Variants in DPP8 observed in about 807,000 individuals in gnomAD.
The protein encoded by DPP8 is dipeptidyl peptidase 8, also known as DPP VIII.
In DPP8, 31 loss-of-function variants were observed where a neutral mutation model predicts 107.5. That is an observed-to-expected ratio of 0.29 (90% CI 0.22 to 0.39). DPP8 has a LOEUF of 0.39. DPP8 is among the 10% of genes least tolerant of loss of function. The probability of loss-of-function intolerance (pLI) is 1.00; values close to 1 mark genes in which losing one functional copy is unlikely to be tolerated. For missense variants in DPP8, 842 were observed against 1,076.1 expected (o/e 0.78, Z 3.04); for synonymous variants, 381 against 356.6 (o/e 1.07, Z -0.77).
chr15:65,498,881 T>C (rs2068869032), intron 4 of DPP8, among the ~76,000 whole-genome samples: 1 of 151,864 alleles, frequency 6.6e-6, no homozygotes, highest in Non-Finnish European at 1.5e-5. Flanking sequence ...AGTGGGACCC[T>C]CACCTCTAAA....
At chr15:65,478,687 G>GTGTCAATCC (rs2066626222) in intron 11 of DPP8, among the ~76,000 whole-genome samples, 193 bp downstream of exon 11, 2 of 152,032 alleles carry the variant, frequency 1.3e-5, no homozygotes, top group Admixed American at 1.3e-4. Flanking sequence ...TTTATAATAC[G>GTGTCAATCC]TGTCAATCCA....
chr15:65,515,981 C>G (rs1413303995), intron 1 of DPP8: 1 of 478,000 alleles, frequency 2.1e-6, no homozygotes, highest in African/African-American at 2.0e-5. Flanking sequence ...TATTTTATTT[C>G]AGAGATGTGT....
chr15:65,465,123 T>G (rs1249239363), intron 14 of DPP8, among the ~76,000 whole-genome samples: 1 of 151,970 alleles, frequency 6.6e-6, no homozygotes, highest in Non-Finnish European at 1.5e-5. Flanking sequence ...TTGTGGACAT[T>G]AAAACACACT....
chr15:65,454,437 T>C, intron 16 of DPP8, 22 bp from the exon 17 acceptor site: 1 of 1,576,084 alleles, frequency 6.3e-7, no homozygotes, highest in Non-Finnish European at 8.6e-7. Flanking sequence ...GGGAGAACAT[T>C]TCACTGATTC....
At chr15:65,474,396 G>A in intron 11 of DPP8, 108 bp from the exon 12 acceptor site, 1 of 783,350 alleles carries the variant, frequency 1.3e-6, no homozygotes, top group East Asian at 2.7e-5. Context: ...TATGTTTGGG[G>A]TAATAAAAAT....
At chr15:65,493,090 CTCTT>C (rs956533477) in intron 5 of DPP8, among the ~76,000 whole-genome samples, 3 of 151,740 alleles carry the variant, frequency 2.0e-5, no homozygotes, top group African/African-American at 7.3e-5. Flanking sequence ...CTTTCTTTCT[CTCTT>C]TTTTTTTAGA....
At chr15:65,467,622 C>T (rs982905559) in intron 12 of DPP8, among the ~76,000 whole-genome samples, 2 of 152,156 alleles carry the variant, frequency 1.3e-5, no homozygotes. Flanking sequence ...AAGCAATCCT[C>T]CTGCCTCAGC....
At chr15:65,461,117 TTTAAAC>T (rs1403190308) in intron 15 of DPP8, among the ~76,000 whole-genome samples, 1 of 152,188 alleles carries the variant, frequency 6.6e-6, no homozygotes, top group African/African-American at 2.4e-5. Flanking sequence ...GCTAAGCCTC[TTTAAAC>T]TTAATTACTC....
chr15:65,480,464 T>A (rs2066819546), intron 9 of DPP8, 65 bp from the exon 10 acceptor site: 1 of 1,242,596 alleles, frequency 8.0e-7, no homozygotes, highest in East Asian at 2.4e-5. Flanking sequence ...GATTTCCCTA[T>A]TATCTCCTTT....
Position 65,443,167 on chromosome 15 carries a change from T to C in DPP8, c.*3717A>G, listed in dbSNP as rs1211122606. The C allele has an allele frequency of 6.6e-6, 1 of 152,226 alleles. No individual in the cohort carries two copies. The highest frequency in any genetic ancestry group is 1.9e-4 in the East Asian group (1 of 5,202). The allele number at this position is 152,226 out of a possible 1,614,324, so 9.4% of individuals were successfully genotyped here. A position where few individuals can be genotyped will look rare whatever the true frequency, so the allele number is the denominator to read the frequency against. On this transcript the variant is annotated 3_prime_UTR_variant, in exon 20 of 20. Transcript: ENST00000300141. ...ATGTGGTTACCTTTAAAATGTTTTA[T>C]AGGAATATATTAATAAATATTTCTT...
intron 12 of DPP8, among the ~76,000 whole-genome samples, chr15:65,468,509 AT>A (rs1250612841): frequency 4.0e-5 from 6 of 149,540 alleles, no homozygotes; most frequent in Admixed American, 1.3e-4. Context: ...AAAAAAAAAA[AT>A]TCAAATTTTT....
intron 2 of DPP8, among the ~76,000 whole-genome samples, chr15:65,510,727 C>T (rs762139246): frequency 2.4e-4 from 37 of 152,190 alleles, no homozygotes; most frequent in Admixed American, 1.0e-3. Flanking sequence ...TTAGTAGAGA[C>T]GCGGTTTCAC....
chr15:65,454,328 G>T lies in DPP8; in HGVS notation c.2206C>A (p.His736Asn). Reference protein sequence around the residue: ...DFIDLDRVGIHGWSYGGYLSL... With the variant: ...DFIDLDRVGINGWSYGGYLSL... ...AGGTATCCTCCATAGGACCAGCCGT[G>T]GATGCCCACACGATCTAAGTCAATG... The change falls in exon 17 of 20, where the codon CAC becomes AAC. Residue 736 changes from histidine to asparagine, a missense_variant. His to Asn is a moderately conservative substitution (Grantham distance 68). This residue lies in a region of DPP8 where 179 missense variants were observed against 318.0 expected (regional missense o/e 0.56). Coordinates refer to ENST00000300141, the MANE Select transcript of DPP8 (RefSeq NM_130434.5). The T allele has an allele frequency of 6.2e-7, 1 of 1,603,896 alleles. No homozygotes were observed. Among genetic ancestry groups the T allele is most frequent in the Non-Finnish European group, 8.5e-7 (1 of 1,176,468 alleles).
At position 65,517,616 on chromosome 15, in the gene DPP8, A is replaced by AGGCGGCGAACGCGGCACTAAGAAGC. The variant is rs1483262163; in HGVS notation, c.-167_-143dup. 36 of 152,674 alleles carry AGGCGGCGAACGCGGCACTAAGAAGC rather than the reference A, an allele frequency of 2.4e-4. 1 individual carries two copies. The highest frequency in any genetic ancestry group is 2.4e-3 in the Admixed American group (36 of 15,290). The allele number at this position is 152,674 out of a possible 1,614,324, so 9.5% of individuals were successfully genotyped here. A position where few individuals can be genotyped will look rare whatever the true frequency, so the allele number is the denominator to read the frequency against. Reference sequence around the variant, plus strand: ...TCGGCGGCGGCGCCGGTGACAACCCAGGCGGCGAACGCGGCACTAAGAAGC... The same window carrying AGGCGGCGAACGCGGCACTAAGAAGC: ...TCGGCGGCGGCGCCGGTGACAACCCAGGCGGCGAACGCGGCACTAAGAAGCGGCGGCGAACGCGGCACTAAGAAGC... On this transcript the variant is annotated 5_prime_UTR_variant, in exon 1 of 20. Coordinates refer to ENST00000300141, the MANE Select transcript of DPP8 (RefSeq NM_130434.5).
intron 5 of DPP8, among the ~76,000 whole-genome samples, chr15:65,494,646 G>GAAAAA (rs5813355): frequency 0.022 from 2,567 of 114,242 alleles, 110 homozygotes; most frequent in African/African-American, 0.04. Flanking sequence ...CAAAAAAATT[G>GAAAAA]AAAAAAAAAA....
chr15:65,500,052 T>C (rs1485135009), intron 4 of DPP8, among the ~76,000 whole-genome samples: 1 of 152,142 alleles, frequency 6.6e-6, no homozygotes, highest in East Asian at 1.9e-4. Context: ...TGCACCACCA[T>C]GCCCAGCTAA....
intron 11 of DPP8, chr15:65,475,426 C>T (rs2066293830): frequency 6.4e-7 from 1 of 1,572,644 alleles, no homozygotes; most frequent in Admixed American, 1.7e-5. Flanking sequence ...TCAAATATAC[C>T]TTATTATGGC....
chr15:65,455,337 T>G (rs1042751059), intron 16 of DPP8: 1 of 158,860 alleles, frequency 6.3e-6, no homozygotes, highest in Non-Finnish European at 1.4e-5. Context: ...TCTCATTATG[T>G]TGCCCAGGTT....
chr15:65,471,895 C>T (rs2065928945), intron 12 of DPP8, among the ~76,000 whole-genome samples: 1 of 152,154 alleles, frequency 6.6e-6, no homozygotes, highest in African/African-American at 2.4e-5. Context: ...AGCCAGTAAA[C>T]ATAATCCTTC....
Sources: gnomAD v4.1 joint callset for allele counts (sites outside exome capture counted in the v4.1 genomes callset) on GRCh38, gnomAD v4.1.1 for gene constraint, gnomAD v4.1.1 regional missense constraint, MANE v1.5 for transcripts, NCBI Gene and HGNC (gene_info 2026-07-23, HGNC 2026-07-21) for gene names.